The following TPTE variants were observed in gnomAD, a reference collection of about 807,000 sequenced individuals.
TPTE encodes transmembrane phosphatase with tensin homology, also known as putative tyrosine-protein phosphatase TPTE.
In TPTE, 59 loss-of-function variants were observed where a neutral mutation model predicts 84.1. The ratio of observed to expected loss-of-function variants is 0.70; its 90% confidence interval spans 0.57 to 0.87. The LOEUF (loss-of-function observed/expected upper bound fraction) is 0.87. Ranked by LOEUF, TPTE falls within the 40% of genes least tolerant of loss-of-function variation. TPTE has a pLI of 0.00. For synonymous variants in TPTE, 130 were observed against 223.5 expected (o/e 0.58, Z 3.73); for missense variants, 382 against 659.6 (o/e 0.58, Z 4.61).
chr21:10,524,321 G>A (rs1407827062), intron 1 of TPTE, among the ~76,000 whole-genome samples: 1 of 152,298 alleles, frequency 6.6e-6, no homozygotes, highest in Non-Finnish European at 1.5e-5. Context: ...ATACCCAGCT[G>A]GGGGGACCAC....
intron 10 of TPTE, among the ~76,000 whole-genome samples, chr21:10,561,785 G>T (rs1244342535): frequency 6.6e-6 from 1 of 152,312 alleles, no homozygotes; most frequent in African/African-American, 2.4e-5. Flanking sequence ...AGCACCTGTG[G>T]ATCCACCTGT....
chr21:10,599,881 A>G (rs1447940770), intron 21 of TPTE, among the ~76,000 whole-genome samples: 22 of 151,324 alleles, frequency 1.5e-4, no homozygotes, highest in African/African-American at 5.3e-4. Flanking sequence ...TTCTTGAGCC[A>G]GGGTCTCATT....
chr21:10,571,301 C>T (rs574844640), intron 14 of TPTE, among the ~76,000 whole-genome samples: 2 of 152,424 alleles, frequency 1.3e-5, no homozygotes, highest in East Asian at 3.9e-4. Context: ...CTGCACCCAC[C>T]CAGAACCAAA....
intron 14 of TPTE, among the ~76,000 whole-genome samples, chr21:10,575,649 T>A (rs1342153296): frequency 1.6e-4 from 24 of 152,382 alleles, no homozygotes; most frequent in African/African-American, 5.5e-4. Flanking sequence ...GGATGGAGCT[T>A]CCAAAGGAAG....
intron 17 of TPTE, among the ~76,000 whole-genome samples, chr21:10,584,009 A>C (rs1256475320): frequency 6.6e-6 from 1 of 152,312 alleles, no homozygotes; most frequent in South Asian, 2.1e-4. Context: ...TCAACTAGTC[A>C]AATTACAAAC....
rs1978858603 is a variant in TPTE at position 10,603,564 on chromosome 21, T to A, written c.1452T>A (p.Asn484Lys). 6.2e-7 allele frequency: 1 copy of A among 1,610,360 alleles called. No homozygotes were observed. Among genetic ancestry groups the A allele is most frequent in the East Asian group, 2.2e-5 (1 of 44,786 alleles). ...TTGAAATTTTTTTTTCTTTTTAGAA[T>A]CTTCCTACATACTATGACAATTGCT... is the stretch of plus-strand genomic sequence containing the variant. ...DDVKVQFFYS[N>K]LPTYYDNCSF... Residue 484 changes from asparagine to lysine, a missense_variant and splice_region_variant, in exon 23 of 24, where the codon AAT becomes AAA. By Grantham distance (94) the Asn-to-Lys change is moderately conservative. Transcript: ENST00000618007.
chr21:10,592,335 C>T lies in TPTE; in HGVS notation c.1132C>T (p.His378Tyr). 6.2e-7 allele frequency: 1 copy of T among 1,613,306 alleles called. No individual in the cohort carries two copies. Residue 378 changes from histidine (H) to tyrosine (Y), a missense_variant, in exon 19 of 24, where the codon CAC (histidine) becomes TAC (tyrosine). By Grantham distance (83) the His-to-Tyr change is moderately conservative. Around this residue, in one of 10 missense-constraint regions of TPTE, gnomAD observed 19 missense variants for 59.2 expected, o/e 0.32. Coordinates refer to ENST00000618007, the MANE Select transcript of TPTE (RefSeq NM_199261.4). Reference sequence around the variant, plus strand: ...TGGAGAAAGGCGAACAGATAAAACCCACAGCGAAAAATTTCAGGGAGTAAA... The same window carrying T: ...TGGAGAAAGGCGAACAGATAAAACCTACAGCGAAAAATTTCAGGGAGTAAA... ...YFGERRTDKT[H>Y]SEKFQGVKTP...
chr21:10,563,363 T>G (rs1373309239), intron 10 of TPTE, among the ~76,000 whole-genome samples: 1 of 152,312 alleles, frequency 6.6e-6, no homozygotes, highest in African/African-American at 2.4e-5. Context: ...CAGAATGTCA[T>G]AACACTGTAA....
chr21:10,541,632 C>CCA (rs1293649932), intron 5 of TPTE, among the ~76,000 whole-genome samples: 16 of 152,308 alleles, frequency 1.1e-4, no homozygotes, highest in Non-Finnish European at 2.1e-4. Context: ...TAGATAACTT[C>CCA]CACATTTTTA....
chr21:10,590,748 A>G (rs1161990457), intron 18 of TPTE, among the ~76,000 whole-genome samples: 1 of 152,302 alleles, frequency 6.6e-6, no homozygotes, highest in Non-Finnish European at 1.5e-5. Context: ...AGTGAGGTCA[A>G]TGAGGTGCAA....
chr21:10,574,787 C>G (rs1304684701), intron 14 of TPTE, among the ~76,000 whole-genome samples: 1 of 152,308 alleles, frequency 6.6e-6, no homozygotes, highest in Non-Finnish European at 1.5e-5. Context: ...CTTTGCAAGC[C>G]GTGGATCAAG....
chr21:10,572,124 G>T (rs1410936766), intron 14 of TPTE, among the ~76,000 whole-genome samples: 7 of 152,306 alleles, frequency 4.6e-5, no homozygotes, highest in Non-Finnish European at 1.0e-4. Flanking sequence ...CTTCTCTGAG[G>T]TGCATAGTAG....
At chr21:10,565,474 A>T (rs1600911515) in intron 10 of TPTE, among the ~76,000 whole-genome samples, 1 of 152,312 alleles carries the variant, frequency 6.6e-6, no homozygotes, top group South Asian at 2.1e-4. Context: ...TCAAAATATG[A>T]ATGACATTCT....
chr21:10,595,093 A>G (rs1368521130), intron 19 of TPTE, among the ~76,000 whole-genome samples: 1 of 152,312 alleles, frequency 6.6e-6, no homozygotes, highest in Non-Finnish European at 1.5e-5. Flanking sequence ...CCCAGACTAG[A>G]GTGCAGTGGT....
chr21:10,575,612 G>C (rs1173256142), intron 14 of TPTE, among the ~76,000 whole-genome samples: 1 of 152,312 alleles, frequency 6.6e-6, no homozygotes, highest in African/African-American at 2.4e-5. Flanking sequence ...GGTATGTGCG[G>C]GCTGGATACA....
intron 3 of TPTE, among the ~76,000 whole-genome samples, chr21:10,534,648 T>TAATG (rs1157995551): frequency 6.6e-6 from 1 of 152,310 alleles, no homozygotes; most frequent in Non-Finnish European, 1.5e-5. Flanking sequence ...CACTAGCCTA[T>TAATG]AATGGAGCCA....
chr21:10,538,282 G>A (rs1284985145), intron 3 of TPTE, among the ~76,000 whole-genome samples: 10 of 152,424 alleles, frequency 6.6e-5, no homozygotes, highest in East Asian at 3.9e-4. Context: ...TTACTTTACC[G>A]TACTTGTGGA....
chr21:10,538,426 G>A (rs1600865046), intron 3 of TPTE, among the ~76,000 whole-genome samples: 1 of 152,306 alleles, frequency 6.6e-6, no homozygotes, highest in Non-Finnish European at 1.5e-5. Flanking sequence ...GTCACGCATT[G>A]GGACTGAGGT....
intron 1 of TPTE, among the ~76,000 whole-genome samples, chr21:10,522,312 T>TG (rs1471387427): frequency 8.6e-6 from 1 of 116,450 alleles, no homozygotes; most frequent in Admixed American, 1.2e-4. Context: ...TAGAAGGGCT[T>TG]GGGGTGCGGG....
Sources: gnomAD v4.1 joint callset for allele counts (sites outside exome capture counted in the v4.1 genomes callset) on GRCh38, gnomAD v4.1.1 for gene constraint, gnomAD v4.1.1 regional missense constraint, MANE v1.5 for transcripts, NCBI Gene and HGNC (gene_info 2026-07-23, HGNC 2026-07-21) for gene names.